NBPF8: variants seen among roughly 807,000 people sequenced by gnomAD.
The protein encoded by NBPF8 is NBPF member 8, also known as NBPF family member NBPF8.
chr1:120,451,693 C>G (rs1661276179), intron 12 of NBPF8, among the ~76,000 whole-genome samples: 1 of 148,404 alleles, frequency 6.7e-6, no homozygotes, highest in Non-Finnish European at 1.5e-5. Flanking sequence ...CCCTGTCATT[C>G]TTTTCTTCTT....
At chr1:120,451,836 G>A in intron 12 of NBPF8, among the ~76,000 whole-genome samples, 1 of 150,614 alleles carries the variant, frequency 6.6e-6, no homozygotes, top group Non-Finnish European at 1.5e-5. Flanking sequence ...CTGAAAGGAT[G>A]TCTTTTTGAA....
At chr1:120,464,581 C>T (rs1661691380) in intron 23 of NBPF8, 33 bp downstream of exon 21, 1 of 778,170 alleles carries the variant, frequency 1.3e-6, no homozygotes. Context: ...GATAAGGATC[C>T]ACTGAGTCTT....
chr1:120,431,312 C>A, intron 3 of NBPF8, among the ~76,000 whole-genome samples: 1 of 91,832 alleles, frequency 1.1e-5, no homozygotes, highest in Admixed American at 1.1e-4. Flanking sequence ...TTATCATCTC[C>A]AAATAGGGAA....
intron 16 of NBPF8, among the ~76,000 whole-genome samples, chr1:120,457,658 C>A (rs1661480775): frequency 1.4e-5 from 1 of 72,908 alleles, no homozygotes; most frequent in South Asian, 4.1e-4. Flanking sequence ...TGAAGCACAC[C>A]AATGTGGACA....
At chr1:120,421,249 CG>C (rs1660566400) in intron 1 of NBPF8, among the ~76,000 whole-genome samples, 1 of 152,204 alleles carries the variant, frequency 6.6e-6, no homozygotes, top group African/African-American at 2.4e-5. Flanking sequence ...TACAGTAGTG[CG>C]TCTGTCTCCA....
At chr1:120,429,246 T>A (rs1660804418) in intron 3 of NBPF8, among the ~76,000 whole-genome samples, 1 of 151,618 alleles carries the variant, frequency 6.6e-6, no homozygotes, top group Non-Finnish European at 1.5e-5. Context: ...GTCTATTACT[T>A]CAGTGGCCAC....
At chr1:120,428,798 G>A (rs1282272632) in intron 3 of NBPF8, among the ~76,000 whole-genome samples, 1 of 150,106 alleles carries the variant, frequency 6.7e-6, no homozygotes, top group East Asian at 1.9e-4. Context: ...CCAATGCCAT[G>A]TAGCACTTTA....
upstream of NBPF8, among the ~76,000 whole-genome samples, chr1:120,415,647 G>C (rs61806649): frequency 6.6e-6 from 1 of 152,330 alleles, no homozygotes; most frequent in South Asian, 2.1e-4. Flanking sequence ...GGACCTGAGA[G>C]GCGAGACCAC....
At chr1:120,446,356 G>A (rs1170881757) in intron 8 of NBPF8, among the ~76,000 whole-genome samples, 5 of 64,002 alleles carry the variant, frequency 7.8e-5, no homozygotes, top group South Asian at 6.2e-4. Flanking sequence ...AGAGCTCTGG[G>A]CTAAGAATGA....
At chr1:120,430,862 G>A (rs1244856398) in intron 3 of NBPF8, among the ~76,000 whole-genome samples, 1 of 151,716 alleles carries the variant, frequency 6.6e-6, no homozygotes, top group African/African-American at 2.4e-5. Context: ...AAATTAGTGG[G>A]GAGATAAACC....
upstream of NBPF8, chr1:120,433,450 AC>A (rs869154149): frequency 2.0e-5 from 3 of 152,836 alleles, no homozygotes; most frequent in Admixed American, 1.3e-4. Flanking sequence ...ATCCATCAAA[AC>A]AAAAAAGTTT....
intron 22 of NBPF8, among the ~76,000 whole-genome samples, chr1:120,464,133 C>G (rs1553250581): frequency 0.037 from 1,416 of 38,596 alleles, 38 homozygotes; most frequent in East Asian, 0.074. Flanking sequence ...CTCTCTCTCT[C>G]TGTGTGTGTG....
At position 120,465,325 on chromosome 1, in the gene NBPF8, A is replaced by T. The variant is rs2101702893; in HGVS notation, n.3522A>T. ...AAGAAGATCAAAGAAGAAAAGAAGA[A>T]GGGGAAGAAAAGAAGGGGAAGAAGA... On this transcript the variant is annotated non_coding_transcript_exon_variant, in exon 24 of 25. Coordinates refer to ENST00000583271, the Ensembl canonical transcript of NBPF8. The T allele has an allele frequency of 7.2e-6, 5 of 696,404 alleles. No homozygotes were observed. The East Asian group carries it at 1.2e-4, about 17-fold the overall frequency. The allele number at this position is 696,404 out of a possible 1,614,324, so 43.1% of individuals were successfully genotyped here.
chr1:120,433,067 A>G (rs1660929851), upstream of NBPF8: 1 of 152,222 alleles, frequency 6.6e-6, no homozygotes, highest in Admixed American at 6.5e-5. Flanking sequence ...GGTGAGAAAA[A>G]TTAAAGAAGG....
Position 120,460,587 on chromosome 1 carries a change from C to G in NBPF8, n.2799C>G, listed in dbSNP as rs1441101876. On this transcript the variant is annotated non_coding_transcript_exon_variant, in exon 18 of 25. Coordinates refer to ENST00000583271, the Ensembl canonical transcript of NBPF8. ...TTTATTTGCAGGACATCGGTGGGAT[C>G]AAGTGAAAAAGGAGGACCAAGAGGC... 2.1e-3 allele frequency: 3,108 copies of G among 1,453,930 alleles called. 89 individuals carry two copies. In the East Asian group the frequency reaches 0.055, roughly 26 times the overall value. 90.1% of individuals were successfully genotyped at this position (1,453,930 alleles called of 1,614,324 possible). A position where few individuals can be genotyped will look rare whatever the true frequency, so the allele number is the denominator to read the frequency against.
At chr1:120,468,100 A>ATT (rs1236125341), downstream of NBPF8, among the ~76,000 whole-genome samples, 1 of 151,104 alleles carries the variant, frequency 6.6e-6, no homozygotes, top group Non-Finnish European at 1.5e-5. Context: ...ATAGTTTTAA[A>ATT]TTATAACTTT....
At chr1:120,465,123 G>T (rs1661707437) in intron 23 of NBPF8, 140 bp from the exon 22 acceptor site, 2 of 187,400 alleles carry the variant, frequency 1.1e-5, no homozygotes, top group Non-Finnish European at 1.9e-5. Flanking sequence ...CAGCCTTCAG[G>T]CCTCCTGAAA....
intron 3 of NBPF8, among the ~76,000 whole-genome samples, chr1:120,430,364 CTT>C (rs2101556387): frequency 7.1e-6 from 1 of 140,192 alleles, no homozygotes; most frequent in Non-Finnish European, 1.5e-5. Flanking sequence ...TATAAGTGGT[CTT>C]TTGTATTTCT....
At chr1:120,424,430 A>T (rs1393828164) in intron 1 of NBPF8, among the ~76,000 whole-genome samples, 9 of 152,126 alleles carry the variant, frequency 5.9e-5, no homozygotes, top group African/African-American at 2.2e-4. Flanking sequence ...TTTGGAGTTA[A>T]GTAGTGAACC....
Sources: gnomAD v4.1 joint callset for allele counts (sites outside exome capture counted in the v4.1 genomes callset) on GRCh38, gnomAD v4.1.1 for gene constraint, MANE v1.5 for transcripts, NCBI Gene and HGNC (gene_info 2026-07-23, HGNC 2026-07-21) for gene names.